The following NXN variants were observed in gnomAD, a reference collection of about 807,000 sequenced individuals.
NXN encodes nucleoredoxin, also known as nucleoredoxin 1.
A neutral mutation model predicts 48.6 loss-of-function variants in NXN; 16 were observed. The ratio of observed to expected loss-of-function variants is 0.33; its 90% CI spans 0.22 to 0.50. The LOEUF is 0.50. Among genes scored for constraint, NXN ranks in the 20% least tolerant of loss-of-function variants. NXN has a pLI of 0.98. For synonymous variants in NXN, 281 were observed against 269.6 expected, an observed-to-expected ratio of 1.04 and a Z score of -0.41; for missense variants, 492 against 605.5, an observed-to-expected ratio of 0.81 and a Z score of 1.97.
At chr17:808,676 GTTT>G (rs5818768) in intron 5 of NXN, among the ~76,000 whole-genome samples, 5 of 128,978 alleles carry the variant, frequency 3.9e-5, no homozygotes, top group African/African-American at 1.2e-4. Flanking sequence ...TTATAAACCA[GTTT>G]TTTTTTTTTT....
intron 5 of NXN, among the ~76,000 whole-genome samples, chr17:812,799 TGC>T (rs1414371539): frequency 2.4e-4 from 36 of 150,124 alleles, no homozygotes; most frequent in Admixed American, 1.5e-3. Context: ...TAGGTGTGTG[TGC>T]GTGAGTGTAG....
chr17:812,414 G>A (rs1363392355), intron 5 of NXN, among the ~76,000 whole-genome samples: 1 of 152,204 alleles, frequency 6.6e-6, no homozygotes, highest in Admixed American at 6.5e-5. Context: ...CTTTATACAA[G>A]CTCTTCAGCG....
intron 1 of NXN, among the ~76,000 whole-genome samples, chr17:938,041 G>A (rs1229159622): frequency 1.3e-5 from 2 of 152,360 alleles, no homozygotes; most frequent in East Asian, 1.9e-4. Context: ...AGGAATGGCT[G>A]CAGCTGGGAC....
intron 1 of NXN, among the ~76,000 whole-genome samples, chr17:850,019 C>T (rs906298758): frequency 1.3e-5 from 2 of 152,098 alleles, no homozygotes; most frequent in Non-Finnish European, 2.9e-5. Flanking sequence ...GGACTGTGTT[C>T]GGAGAGTCTA....
intron 1 of NXN, among the ~76,000 whole-genome samples, chr17:842,205 C>T (rs901931537): frequency 1.1e-4 from 16 of 152,274 alleles, no homozygotes; most frequent in African/African-American, 3.6e-4. Context: ...CAGTTAAACC[C>T]GCCACTTCAT....
intron 1 of NXN, among the ~76,000 whole-genome samples, chr17:913,411 G>A (rs536220902): frequency 3.3e-5 from 5 of 152,244 alleles, no homozygotes; most frequent in South Asian, 2.1e-4. Context: ...TGCCTCTAGC[G>A]CTGGCTTAGC....
chr17:804,484 A>G (rs1415475664), intron 6 of NXN, among the ~76,000 whole-genome samples: 2 of 152,166 alleles, frequency 1.3e-5, no homozygotes, highest in African/African-American at 4.8e-5. Context: ...GGGGAGCCAC[A>G]AGTCCAAGGC....
At chr17:871,750 A>G (rs1282781728) in intron 1 of NXN, among the ~76,000 whole-genome samples, 1 of 152,096 alleles carries the variant, frequency 6.6e-6, no homozygotes, top group Non-Finnish European at 1.5e-5. Context: ...TTGATGTTAC[A>G]CTAGCTAATT....
intron 1 of NXN, among the ~76,000 whole-genome samples, chr17:847,578 C>T (rs950958637): frequency 3.3e-5 from 5 of 152,110 alleles, no homozygotes; most frequent in Non-Finnish European, 5.9e-5. Flanking sequence ...CCCACTGCCA[C>T]GGACCAGCCA....
rs547553819 is a variant in NXN at position 956,423 on chromosome 17, T to C, written c.360+22896A>G. Among the ~76,000 whole-genome samples the C allele has an allele frequency of 6.6e-6, 1 of 152,242 alleles. No individual in the cohort carries two copies. Among genetic ancestry groups the C allele is most frequent in the Non-Finnish European group, 1.5e-5 (1 of 68,012 alleles). ...GTTCAGGGCTTTTTATTTTTATTTA[T>C]TTATTTTGAGACAGAGATTCTCTCT... On this transcript the variant is annotated intron_variant, in intron 1 of 7. Coordinates refer to ENST00000336868, the MANE Select transcript of NXN (RefSeq NM_022463.5). This position sits in a 1 kb window ranked among gnomAD's most constrained non-coding sequence, Gnocchi z 4.1.
Position 842,230 on chromosome 17 carries a change from CA to C in NXN, c.361-16153del, listed in dbSNP as rs1256560233. 1.4e-3 allele frequency among the ~76,000 whole-genome samples: 220 copies of C among 152,330 alleles called. 1 individual carries two copies. The highest frequency in any genetic ancestry group is 2.6e-3 in the Non-Finnish European group (180 of 68,014). ...CGCCACTTCATCAAGGAAAGAAAGA[CA>C]TTTTCCCGGCTAGCACTGATCTGTG... On this transcript the variant is annotated intron_variant, in intron 1 of 7. Coordinates refer to ENST00000336868, the MANE Select transcript of NXN (RefSeq NM_022463.5).
chr17:812,830 A>G (rs1252318998), intron 5 of NXN, among the ~76,000 whole-genome samples: 1 of 137,172 alleles, frequency 7.3e-6, no homozygotes, highest in Non-Finnish European at 1.6e-5. Context: ...GCGAGTGTGC[A>G]TGTGTGAGTG....
intron 1 of NXN, chr17:864,004 GAC>G: frequency 3.3e-6 from 5 of 1,535,260 alleles, no homozygotes; most frequent in South Asian, 1.2e-5. Flanking sequence ...TCGGTGAAAG[GAC>G]ACAGTTACCG....
At chr17:963,628 T>A (rs2069265560) in intron 1 of NXN, among the ~76,000 whole-genome samples, 1 of 151,786 alleles carries the variant, frequency 6.6e-6, no homozygotes, top group Non-Finnish European at 1.5e-5. Flanking sequence ...AAAGGAAATT[T>A]TTTTTTTTAA....
intron 1 of NXN, among the ~76,000 whole-genome samples, chr17:855,784 G>A (rs1277520794): frequency 2.6e-5 from 4 of 152,184 alleles, no homozygotes; most frequent in Admixed American, 2.0e-4. Context: ...AGGAATGTGT[G>A]TGTTACAACA....
intron 5 of NXN, among the ~76,000 whole-genome samples, chr17:806,882 C>T (rs1489915718): frequency 6.6e-6 from 1 of 152,086 alleles, no homozygotes; most frequent in Admixed American, 6.5e-5. Context: ...AGAGAACAGG[C>T]TCTTGAGAAC....
At chr17:884,957 C>T (rs1395997656) in intron 1 of NXN, among the ~76,000 whole-genome samples, 1 of 152,166 alleles carries the variant, frequency 6.6e-6, no homozygotes, top group African/African-American at 2.4e-5. Flanking sequence ...AGGAGAATGA[C>T]CAAGGTGTAA....
At chr17:805,024 GC>G in intron 6 of NXN, 43 bp downstream of exon 6, 2 of 1,380,616 alleles carry the variant, frequency 1.4e-6, no homozygotes, top group Non-Finnish European at 1.0e-6. Context: ...CTCCTGTCCC[GC>G]CCCCCAGCCA....
At chr17:886,874 T>C (rs1245923808) in intron 1 of NXN, among the ~76,000 whole-genome samples, 1 of 152,196 alleles carries the variant, frequency 6.6e-6, no homozygotes, top group Non-Finnish European at 1.5e-5. Flanking sequence ...TCTCATTCTA[T>C]TGTTTATCCT....
Sources: gnomAD v4.1 joint callset for allele counts (sites outside exome capture counted in the v4.1 genomes callset) on GRCh38, gnomAD v4.1.1 for gene constraint, Gnocchi (gnomAD v3.1) non-coding constraint, MANE v1.5 for transcripts, NCBI Gene and HGNC (gene_info 2026-07-23, HGNC 2026-07-21) for gene names.